Variants in PCDH15 observed in about 807,000 individuals in gnomAD.
The protein encoded by PCDH15 is protocadherin-15.
In PCDH15, 129 loss-of-function variants were observed where a neutral mutation model predicts 178.5. That is an observed-to-expected ratio of 0.72 (90% CI 0.63 to 0.84). PCDH15 has a LOEUF of 0.84. Among genes scored for constraint, PCDH15 ranks in the 40% least tolerant of loss-of-function variants. The probability of loss-of-function intolerance (pLI) is 0.00; values close to 1 mark genes in which losing one functional copy is unlikely to be tolerated. For missense variants in PCDH15, 2,230 were observed against 2,099.9 expected (o/e 1.06, Z -1.21); for synonymous variants, 800 against 732.0 (o/e 1.09, Z -1.50).
chr10:55,390,250 A>C (rs1311477820), intron 2 of PCDH15, among the ~76,000 whole-genome samples: 1 of 152,196 alleles, frequency 6.6e-6, no homozygotes, highest in East Asian at 1.9e-4. Flanking sequence ...ACATCTTTGC[A>C]AAAAAGTGTG....
chr10:55,619,438 T>C (rs1264782956), intron 2 of PCDH15, among the ~76,000 whole-genome samples: 2 of 151,972 alleles, frequency 1.3e-5, no homozygotes, highest in Non-Finnish European at 2.9e-5. Context: ...GCTCAAGAGC[T>C]ATTAGAAATC....
chr10:55,123,184 T>C (rs982340251), intron 2 of PCDH15, among the ~76,000 whole-genome samples: 9 of 140,028 alleles, frequency 6.4e-5, no homozygotes, highest in Non-Finnish European at 1.1e-4. Context: ...CTGTCTTATA[T>C]TCTGTGTTAT....
chr10:54,600,039 T>A, intron 2 of PCDH15: 1 of 1,334,672 alleles, frequency 7.5e-7, no homozygotes, highest in Admixed American at 2.0e-5. Context: ...TGGGGAAAGG[T>A]GAACAGAAAG....
chr10:55,430,648 C>T (rs1183833531), intron 2 of PCDH15, among the ~76,000 whole-genome samples: 3 of 151,676 alleles, frequency 2.0e-5, no homozygotes, highest in African/African-American at 7.3e-5. Context: ...ATAAAGTGTT[C>T]CCAGTGAAGA....
intron 11 of PCDH15, among the ~76,000 whole-genome samples, chr10:54,193,266 T>A (rs1190491724): frequency 6.6e-6 from 1 of 152,190 alleles, no homozygotes; most frequent in African/African-American, 2.4e-5. Context: ...TCCAGACAAG[T>A]ACGGGGTCAC....
At chr10:54,290,959 C>G (rs547140505) in intron 8 of PCDH15, among the ~76,000 whole-genome samples, 1 of 152,180 alleles carries the variant, frequency 6.6e-6, no homozygotes, top group Non-Finnish European at 1.5e-5. Context: ...GAGACTTTAA[C>G]GCCTCACTGT....
chr10:54,335,023 G>T (rs1940775190), intron 6 of PCDH15, among the ~76,000 whole-genome samples: 1 of 152,092 alleles, frequency 6.6e-6, no homozygotes, highest in South Asian at 2.1e-4. Context: ...CCTTAAGCTT[G>T]TCTCTGATTA....
At chr10:54,086,938 G>A (rs1425230091) in intron 16 of PCDH15, among the ~76,000 whole-genome samples, 1 of 152,136 alleles carries the variant, frequency 6.6e-6, no homozygotes, top group African/African-American at 2.4e-5. Flanking sequence ...CATTCCAAAT[G>A]CAGAGATGAG....
rs116727970 is a variant in PCDH15, at chr10:54,673,379, C to G, written c.-28-9089G>C. On this transcript the variant is annotated intron_variant, in intron 1 of 37. Transcript: ENST00000644397. The stretch of plus-strand genomic sequence containing the variant: ...TGAAAATGATGGTTTCCAGCTTCAT[C>G]CAAGCATGTCATTTTTATTAGATAT... 9.3e-3 allele frequency among the ~76,000 whole-genome samples: 1,422 copies of G among 152,128 alleles called. 12 individuals carry two copies. The highest frequency in any genetic ancestry group is 0.032 in the African/African-American group (1,316 of 41,480).
At chr10:54,747,960 C>T (rs1357375302) in intron 1 of PCDH15, among the ~76,000 whole-genome samples, 3 of 152,082 alleles carry the variant, frequency 2.0e-5, no homozygotes, top group Non-Finnish European at 2.9e-5. Context: ...CGCCCGCCAC[C>T]ACGCCCGGCT....
intron 2 of PCDH15, among the ~76,000 whole-genome samples, chr10:55,459,178 T>G (rs1273050750): frequency 1.4e-5 from 2 of 141,908 alleles, no homozygotes; most frequent in African/African-American, 2.7e-5. Flanking sequence ...TTCTTAAGTC[T>G]GAAGGACCCT....
At chr10:54,544,108 T>C (rs998068077) in intron 2 of PCDH15, among the ~76,000 whole-genome samples, 3 of 152,168 alleles carry the variant, frequency 2.0e-5, no homozygotes, top group Admixed American at 2.0e-4. Flanking sequence ...GAGAATAATA[T>C]CCAAACCAAG....
At chr10:55,330,640 A>G (rs1401829350) in intron 2 of PCDH15, among the ~76,000 whole-genome samples, 1 of 151,922 alleles carries the variant, frequency 6.6e-6, no homozygotes, top group Non-Finnish European at 1.5e-5. Flanking sequence ...TACAATTTTC[A>G]CTGAGAATGA....
At chr10:54,614,332 T>G (rs1382292490) in intron 2 of PCDH15, among the ~76,000 whole-genome samples, 1 of 152,012 alleles carries the variant, frequency 6.6e-6, no homozygotes, top group Non-Finnish European at 1.5e-5. Context: ...TCCGCTATTT[T>G]ATTTGTTCCA....
chr10:54,454,168 T>C (rs1411150669), intron 3 of PCDH15, among the ~76,000 whole-genome samples: 1 of 149,508 alleles, frequency 6.7e-6, no homozygotes, highest in Non-Finnish European at 1.5e-5. Context: ...GTTTTATAAA[T>C]GTAAATATAT....
chr10:53,982,507 C>T (rs2090737696), intron 21 of PCDH15, among the ~76,000 whole-genome samples: 2 of 152,030 alleles, frequency 1.3e-5, no homozygotes, highest in Admixed American at 6.6e-5. Flanking sequence ...ATGATGAGTT[C>T]ATGTCCTTTG....
At chr10:54,441,730 A>G (rs1483345660) in intron 3 of PCDH15, among the ~76,000 whole-genome samples, 2 of 151,870 alleles carry the variant, frequency 1.3e-5, no homozygotes, top group African/African-American at 4.8e-5. Flanking sequence ...CTTAACGTGT[A>G]TTTATTGACT....
chr10:55,517,998 C>A (rs1841061276), intron 2 of PCDH15, among the ~76,000 whole-genome samples: 1 of 152,086 alleles, frequency 6.6e-6, no homozygotes, highest in East Asian at 1.9e-4. Context: ...TTAAATATCA[C>A]CTGAGAAAAC....
intron 2 of PCDH15, among the ~76,000 whole-genome samples, chr10:55,532,227 T>G (rs1046363756): frequency 1.3e-5 from 2 of 152,158 alleles, no homozygotes; most frequent in South Asian, 4.1e-4. Context: ...ATTTCTCATA[T>G]CGGGAAACAG....
Sources: gnomAD v4.1 joint callset for allele counts (sites outside exome capture counted in the v4.1 genomes callset) on GRCh38, gnomAD v4.1.1 for gene constraint, MANE v1.5 for transcripts, NCBI Gene and HGNC (gene_info 2026-07-23, HGNC 2026-07-21) for gene names.